The following NYAP2 variants were observed in gnomAD, a reference collection of about 807,000 sequenced individuals.
NYAP2 encodes neuronal tyrosine-phosphorylated phosphoinositide-3-kinase adaptor 2.
In NYAP2, 23 loss-of-function variants were observed where a neutral mutation model predicts 50.4. The ratio of observed to expected loss-of-function variants is 0.46; its 90% CI spans 0.33 to 0.65. The LOEUF is 0.65. Ranked by LOEUF, NYAP2 falls within the 30% of genes least tolerant of loss-of-function variation. NYAP2 has a pLI of 0.02. For synonymous variants in NYAP2, 394 were observed against 365.2 expected (o/e 1.08, Z -0.90); for missense variants, 885 against 861.0 (o/e 1.03, Z -0.35).
intron 3 of NYAP2, among the ~76,000 whole-genome samples, chr2:225,449,800 A>T (rs931822392): frequency 2.0e-5 from 3 of 151,752 alleles, no homozygotes; most frequent in African/African-American, 7.3e-5. Context: ...TACTTTTAGT[A>T]GAGATGGGGT....
intron 2 of NYAP2, among the ~76,000 whole-genome samples, chr2:225,402,496 T>C (rs1694879176): frequency 6.6e-6 from 1 of 151,942 alleles, no homozygotes; most frequent in Non-Finnish European, 1.5e-5. Flanking sequence ...TTAATGGAAA[T>C]GTACAATCTC....
chr2:225,655,939 C>CACACAT (rs1574734564), downstream of NYAP2, among the ~76,000 whole-genome samples: 22 of 149,400 alleles, frequency 1.5e-4, no homozygotes, highest in South Asian at 8.6e-4. Flanking sequence ...TACACACATA[C>CACACAT]ACACACACAC....
chr2:225,429,693 A>G, intron 3 of NYAP2, among the ~76,000 whole-genome samples: 1 of 152,376 alleles, frequency 6.6e-6, no homozygotes, highest in South Asian at 2.1e-4. Flanking sequence ...GATATAGCAC[A>G]TATGTTTGCA....
chr2:225,635,957 A>G (rs1693407078), intron 6 of NYAP2, among the ~76,000 whole-genome samples: 1 of 152,188 alleles, frequency 6.6e-6, no homozygotes, highest in Non-Finnish European at 1.5e-5. Context: ...ATCCAGCTTG[A>G]GATTCATTTA....
At chr2:225,423,208 G>T (rs985186435) in intron 3 of NYAP2, among the ~76,000 whole-genome samples, 2 of 152,188 alleles carry the variant, frequency 1.3e-5, no homozygotes, top group Non-Finnish European at 2.9e-5. Context: ...AGGAATGAAA[G>T]ATTAGGATGG....
At chr2:225,537,845 G>A (rs1238686184) in intron 4 of NYAP2, among the ~76,000 whole-genome samples, 2 of 152,168 alleles carry the variant, frequency 1.3e-5, no homozygotes, top group Non-Finnish European at 2.9e-5. Context: ...AAAATCAAAA[G>A]CAAGTTAGTT....
chr2:225,582,839 C>G lies in NYAP2; in HGVS notation c.1422C>G (p.His474Gln). 1 of 1,613,914 alleles carries G rather than the reference C, an allele frequency of 6.2e-7. No homozygotes were observed. Among genetic ancestry groups the G allele is most frequent in the Non-Finnish European group, 8.5e-7 (1 of 1,179,896 alleles). Residue 474 changes from histidine (H) to glutamine (Q), a missense_variant, in exon 5 of 7, where the codon CAC (histidine) becomes CAG (glutamine). Transcript: ENST00000636099. This position sits in a 1 kb window ranked among gnomAD's most constrained non-coding sequence, Gnocchi z 7.0. ...CAAGGAGCTCTCCTTCAGTGCCTCA[C>G]TCGACCCCCAGACCCGTGTCGCAAG...
the NYAP2 span, among the ~76,000 whole-genome samples, chr2:225,686,406 G>A: frequency 6.6e-6 from 1 of 152,068 alleles, no homozygotes; most frequent in Non-Finnish European, 1.5e-5. Context: ...CTTTTTCACG[G>A]GTGAAGACTT....
intron 3 of NYAP2, among the ~76,000 whole-genome samples, chr2:225,509,666 C>T (rs865904764): frequency 6.6e-6 from 1 of 152,178 alleles, no homozygotes; most frequent in Non-Finnish European, 1.5e-5. Context: ...CTTCCTGTGT[C>T]TTCTAGAAAG....
At chr2:225,521,308 A>G (rs996785696) in intron 4 of NYAP2, among the ~76,000 whole-genome samples, 34 of 151,870 alleles carry the variant, frequency 2.2e-4, no homozygotes, top group East Asian at 2.1e-3. Flanking sequence ...TTCCAACACT[A>G]TGTTGAATAG....
intron 4 of NYAP2, among the ~76,000 whole-genome samples, chr2:225,552,891 T>C (rs1231803769): frequency 6.6e-6 from 1 of 152,180 alleles, no homozygotes; most frequent in African/African-American, 2.4e-5. Flanking sequence ...TTTCACCATA[T>C]TGGCCAGGTT....
At chr2:225,541,010 G>A (rs968916118) in intron 4 of NYAP2, among the ~76,000 whole-genome samples, 7 of 152,164 alleles carry the variant, frequency 4.6e-5, no homozygotes, top group African/African-American at 1.4e-4. Context: ...GATATTTATT[G>A]TAGTTTTGAT....
chr2:225,595,828 T>A (rs1692587131), intron 5 of NYAP2, among the ~76,000 whole-genome samples: 1 of 152,268 alleles, frequency 6.6e-6, no homozygotes, highest in East Asian at 1.9e-4. Flanking sequence ...CTTAAGTGAA[T>A]GTGCTGTACT....
At chr2:225,669,042 G>A in the NYAP2 span, among the ~76,000 whole-genome samples, 1 of 132,448 alleles carries the variant, frequency 7.6e-6, no homozygotes, top group African/African-American at 2.8e-5. Flanking sequence ...CGTAATAGAG[G>A]ATGATTAAGG....
In NYAP2 at chr2:225,505,203, C is replaced by T. The variant is rs898525376; in HGVS notation, c.222-8168C>T. On this transcript the variant is annotated intron_variant, in intron 3 of 6. Coordinates refer to ENST00000636099, the Ensembl canonical transcript of NYAP2. ...ACTTTTAACACTTGACCTTCATATC[C>T]GAGAAGTATCAATAAAGAGCCAGAC... Among the ~76,000 whole-genome samples the T allele has an allele frequency of 2.6e-5, 4 of 151,502 alleles. No homozygotes were observed. In the East Asian group the frequency reaches 5.8e-4, roughly 22 times the overall value.
At chr2:225,499,493 T>G (rs1473601934) in intron 3 of NYAP2, among the ~76,000 whole-genome samples, 2 of 151,718 alleles carry the variant, frequency 1.3e-5, no homozygotes, top group Non-Finnish European at 2.9e-5. Flanking sequence ...TTTTTTTGTA[T>G]TTTTAGTAGA....
rs145129666 is a variant in NYAP2, at chr2:225,640,209, C to T, written c.1829-11223C>T. Among the ~76,000 whole-genome samples the T allele has an allele frequency of 9.8e-5, 15 of 152,316 alleles. No homozygotes were observed. The East Asian group carries it at 2.7e-3, about 27-fold the overall frequency. On this transcript the variant is annotated intron_variant, in intron 6 of 6. Coordinates refer to ENST00000636099, the Ensembl canonical transcript of NYAP2. ...CCTGCCTTATAAATCCGAAGGAGAACTGTTATCTTCGCTCTCTAACCCATG... is the reference window on the plus strand; with the variant it reads ...CCTGCCTTATAAATCCGAAGGAGAATTGTTATCTTCGCTCTCTAACCCATG...
At chr2:225,397,939 GGAAGGAAA>G (rs970786076), upstream of NYAP2, among the ~76,000 whole-genome samples, 2 of 149,358 alleles carry the variant, frequency 1.3e-5, no homozygotes, top group East Asian at 2.0e-4. Flanking sequence ...GAGGAAGGAA[GGAAGGAAA>G]GAAAGAAAAA....
chr2:225,648,445 A>T (rs958259948), intron 6 of NYAP2, among the ~76,000 whole-genome samples: 2 of 152,190 alleles, frequency 1.3e-5, no homozygotes, highest in African/African-American at 4.8e-5. Context: ...GAACAAGATG[A>T]GTGGCCTAAA....
Sources: gnomAD v4.1 joint callset for allele counts (sites outside exome capture counted in the v4.1 genomes callset) on GRCh38, gnomAD v4.1.1 for gene constraint, Gnocchi (gnomAD v3.1) non-coding constraint, MANE v1.5 for transcripts, NCBI Gene and HGNC (gene_info 2026-07-23, HGNC 2026-07-21) for gene names.